The following RERE variants were observed in gnomAD, a reference collection of about 807,000 sequenced individuals.
RERE encodes the protein arginine-glutamic acid dipeptide repeats protein.
Under a neutral mutation model 146.1 loss-of-function variants are expected in RERE, and 40 were observed. That is an observed-to-expected ratio of 0.27 (90% CI 0.21 to 0.36). RERE has a LOEUF of 0.36. Ranked by LOEUF, RERE falls within the 10% of genes least tolerant of loss-of-function variation. The pLI, the probability that RERE is intolerant of heterozygous loss-of-function variation, is 1.00. For synonymous variants in RERE, 1,003 were observed against 866.0 expected, an observed-to-expected ratio of 1.16 and a Z score of -2.78; for missense variants, 1,933 against 2,138.7, an observed-to-expected ratio of 0.90 and a Z score of 1.90.
intron 12 of RERE, among the ~76,000 whole-genome samples, chr1:8,389,448 A>ATTTCTGCTGCTGTG (rs1241751242): frequency 6.6e-6 from 1 of 152,142 alleles, no homozygotes; most frequent in Admixed American, 6.5e-5. Flanking sequence ...TTACTTCTAG[A>ATTTCTGCTGCTGTG]TTTCTGCTGC....
At chr1:8,558,190 A>G (rs1646029434) in intron 4 of RERE, among the ~76,000 whole-genome samples, 1 of 152,228 alleles carries the variant, frequency 6.6e-6, no homozygotes, top group African/African-American at 2.4e-5. Flanking sequence ...AATAATGAAG[A>G]ATTTTATGAT....
intron 12 of RERE, among the ~76,000 whole-genome samples, chr1:8,399,706 T>C (rs1473205829): frequency 6.6e-6 from 1 of 152,196 alleles, no homozygotes; most frequent in Non-Finnish European, 1.5e-5. Flanking sequence ...AAGGGGATCT[T>C]TATAATGCAG....
intron 4 of RERE, among the ~76,000 whole-genome samples, chr1:8,591,033 G>A (rs1027825989): frequency 6.6e-6 from 1 of 152,208 alleles, no homozygotes; most frequent in Non-Finnish European, 1.5e-5. Flanking sequence ...GTTAAGAACT[G>A]AGCACAAGCT....
chr1:8,474,012 T>C (rs1323166268), intron 10 of RERE, among the ~76,000 whole-genome samples: 1 of 152,238 alleles, frequency 6.6e-6, no homozygotes, highest in East Asian at 1.9e-4. Flanking sequence ...AAAGAAAGGA[T>C]CATGCTACAA....
chr1:8,435,499 ACT>A (rs961673239), intron 11 of RERE, among the ~76,000 whole-genome samples: 1 of 152,046 alleles, frequency 6.6e-6, no homozygotes, highest in African/African-American at 2.4e-5. Flanking sequence ...TAAGTTTCTA[ACT>A]CTCTAACTAC....
At chr1:8,659,909 G>GT (rs1391401578) in intron 1 of RERE, among the ~76,000 whole-genome samples, 1 of 152,106 alleles carries the variant, frequency 6.6e-6, no homozygotes. Context: ...TCTGCCAAAA[G>GT]TGAGCAAGAA....
intron 12 of RERE, chr1:8,381,100 A>G (rs1299788130): frequency 6.8e-6 from 3 of 437,978 alleles, no homozygotes; most frequent in African/African-American, 4.1e-5. Flanking sequence ...ACCACCTCAT[A>G]CACACTTTAC....
chr1:8,487,484 A>G (rs992219400), intron 10 of RERE, among the ~76,000 whole-genome samples: 1 of 152,174 alleles, frequency 6.6e-6, no homozygotes, highest in Admixed American at 6.5e-5. Flanking sequence ...AGGCTCAGAC[A>G]GGAGGATTAC....
intron 10 of RERE, among the ~76,000 whole-genome samples, chr1:8,485,862 G>A (rs141792556): frequency 0.015 from 2,169 of 145,228 alleles, 38 homozygotes; most frequent in Non-Finnish European, 0.023. Context: ...GCAGTGGCGC[G>A]ATCTTGGCTC....
rs1246207296 is a variant in RERE at position 8,365,836 on chromosome 1, A to T, written c.1423T>A (p.Ser475Thr). ...CAGAATTCACTGGACGGGGGTCTGGAGGGTGTGTTGACGGGTGTGGACGCG... is the reference window on the plus strand; with the variant it reads ...CAGAATTCACTGGACGGGGGTCTGGTGGGTGTGTTGACGGGTGTGGACGCG... The part of the protein sequence containing the change: ...RTASTPVNTP[S>T]RPPSSEFLDL... Residue 475 changes from serine (S) to threonine (T), a missense_variant, in exon 13 of 23, where the codon TCC becomes ACC. Physicochemically the swap from Ser to Thr is moderately conservative, Grantham distance 58. Around this residue, in one of 11 missense-constraint regions of RERE, gnomAD observed 260 missense variants for 378.4 expected, o/e 0.69. Coordinates refer to ENST00000400908, the MANE Select transcript of RERE (RefSeq NM_001042681.2). 1 of 1,614,000 alleles carries T rather than the reference A, an allele frequency of 6.2e-7. No individual in the cohort carries two copies. The highest frequency in any genetic ancestry group is 1.7e-5 in the Admixed American group (1 of 60,028).
At chr1:8,396,135 C>G (rs770963815) in intron 12 of RERE, among the ~76,000 whole-genome samples, 1 of 152,152 alleles carries the variant, frequency 6.6e-6, no homozygotes, top group Non-Finnish European at 1.5e-5. Flanking sequence ...GAGCAGAGAT[C>G]ATCTCTTGAA....
At chr1:8,774,932 T>C (rs114175394) in intron 1 of RERE, among the ~76,000 whole-genome samples, 8 of 148,676 alleles carry the variant, frequency 5.4e-5, no homozygotes, top group African/African-American at 1.5e-4. Context: ...CCTTTCATAG[T>C]AGCATTTCTT....
intron 4 of RERE, chr1:8,590,794 T>C (rs1646483102): frequency 6.6e-6 from 1 of 152,270 alleles, no homozygotes; most frequent in Non-Finnish European, 1.5e-5. Context: ...CCTGTGAGGT[T>C]CCTTGACTTC....
chr1:8,365,871 T>C lies in RERE; in HGVS notation c.1388A>G (p.Lys463Arg), dbSNP rs755152105. The change falls in exon 13 of 23, where the codon AAG becomes AGG. Residue 463 changes from lysine (K) to arginine (R), a missense_variant. By Grantham distance (26) the Lys-to-Arg change is conservative. This residue lies in a region of RERE where 260 missense variants were observed against 378.4 expected (regional missense o/e 0.69). Transcript: ENST00000400908. ...GACGGGTGTGGACGCGGTGCGAGTC[T>C]TAATCCTCCTGAACACGGCCTGCCT... ...HRRQAVFRRIKTRTASTPVNT... is the reference protein window; with the variant it reads ...HRRQAVFRRIRTRTASTPVNT... 1.7e-5 allele frequency: 28 copies of C among 1,613,978 alleles called. No individual in the cohort carries two copies. The highest frequency in any genetic ancestry group is 2.3e-5 in the Non-Finnish European group (27 of 1,180,014).
intron 12 of RERE, among the ~76,000 whole-genome samples, chr1:8,412,237 T>C (rs1030036482): frequency 1.3e-4 from 20 of 152,194 alleles, no homozygotes; most frequent in African/African-American, 4.8e-4. Context: ...TGCAAATACA[T>C]AAGCGAAGCA....
intron 1 of RERE, among the ~76,000 whole-genome samples, chr1:8,776,300 C>CA (rs1489866075): frequency 1.3e-5 from 2 of 152,048 alleles, no homozygotes; most frequent in Non-Finnish European, 2.9e-5. Context: ...TTCACTGTCT[C>CA]ATTCTTTTCT....
chr1:8,592,578 A>C (rs1646508869), intron 4 of RERE, among the ~76,000 whole-genome samples: 1 of 151,992 alleles, frequency 6.6e-6, no homozygotes, highest in Non-Finnish European at 1.5e-5. Flanking sequence ...AGCCTAAAAA[A>C]AAATCTTTTA....
chr1:8,816,314 A>T lies in RERE; in HGVS notation c.-145+846T>A, dbSNP rs192117693. Among the ~76,000 whole-genome samples the T allele has an allele frequency of 2.9e-3, 435 of 152,336 alleles. 3 individuals are homozygous for T. The highest frequency in any genetic ancestry group is 0.01 in the African/African-American group (427 of 41,578). On this transcript the variant is annotated intron_variant, in intron 1 of 22. Transcript: ENST00000400908. ...CAAAACTACTTTCTAAATGTACCTT[A>T]AAAAAGCAACAGATACTGAAACATT...
chr1:8,367,793 G>C (rs1254159315), intron 12 of RERE, among the ~76,000 whole-genome samples: 1 of 152,206 alleles, frequency 6.6e-6, no homozygotes, highest in East Asian at 1.9e-4. Context: ...TGGCCCCTAA[G>C]GTCATGATCT....
Sources: gnomAD v4.1 joint callset for allele counts (sites outside exome capture counted in the v4.1 genomes callset) on GRCh38, gnomAD v4.1.1 for gene constraint, gnomAD v4.1.1 regional missense constraint, MANE v1.5 for transcripts, NCBI Gene and HGNC (gene_info 2026-07-23, HGNC 2026-07-21) for gene names.